The following KHSRP variants were observed in gnomAD, a reference collection of about 807,000 sequenced individuals.
KHSRP encodes the protein KH-type splicing regulatory protein.
Under a neutral mutation model 94.9 loss-of-function variants are expected in KHSRP, and 13 were observed. That is an observed-to-expected ratio of 0.14 (90% CI 0.09 to 0.22). The LOEUF (loss-of-function observed/expected upper bound fraction) is 0.22, where lower values mean the gene tolerates loss of function less well. Ranked by LOEUF, KHSRP falls within the 10% of genes least tolerant of loss-of-function variation. The pLI, the probability that KHSRP is intolerant of heterozygous loss-of-function variation, is 1.00. For missense variants in KHSRP, 710 were observed against 1,010.0 expected, an observed-to-expected ratio of 0.70 and a Z score of 4.03; for synonymous variants, 495 against 401.4, an observed-to-expected ratio of 1.23 and a Z score of -2.79.
chr19:6,419,277 G>C lies in KHSRP; in HGVS notation c.548-17C>G, dbSNP rs188930071. 5 of 1,546,164 alleles carry C rather than the reference G, an allele frequency of 3.2e-6. No homozygotes were observed. The highest frequency in any genetic ancestry group is 4.1e-5 in the Admixed American group (2 of 48,390). ...CACCGCTGTCTGAAAAGAGGAGATAGAGTCAGTGCCCTCCCTGGCCCACAG... is the reference window on the plus strand; with the variant it reads ...CACCGCTGTCTGAAAAGAGGAGATACAGTCAGTGCCCTCCCTGGCCCACAG... On this transcript the variant is annotated splice_polypyrimidine_tract_variant and intron_variant, in intron 6 of 18. Coordinates refer to ENST00000600480, the MANE Select transcript of KHSRP (RefSeq NM_001366299.1).
Position 6,414,195 on chromosome 19 carries a change from AG to A in KHSRP, c.*828del, listed in dbSNP as rs767992437. 2.0e-6 allele frequency: 3 copies of A among 1,474,912 alleles called. 1 individual carries two copies. The highest frequency in any genetic ancestry group is 2.7e-6 in the Non-Finnish European group (3 of 1,107,078). The allele number at this position is 1,474,912 out of a possible 1,614,324, so 91.4% of individuals were successfully genotyped here. ...GGGAGACTAGGGGGCGGAAGAGAGG[AG>A]GGGCTGGAACACCGTGGGGGGGGCC... On this transcript the variant is annotated 3_prime_UTR_variant, in exon 19 of 19. Coordinates refer to ENST00000600480, the MANE Select transcript of KHSRP (RefSeq NM_001366299.1).
At chr19:6,423,880 A>G (rs1599247147) in intron 1 of KHSRP, among the ~76,000 whole-genome samples, 1 of 152,056 alleles carries the variant, frequency 6.6e-6, no homozygotes, top group Non-Finnish European at 1.5e-5. Flanking sequence ...AAAGAGACAG[A>G]CCACGCTTTC....
At chr19:6,420,182 A>C in intron 5 of KHSRP, 38 bp from the exon 6 acceptor site, 1 of 1,568,540 alleles carries the variant, frequency 6.4e-7, no homozygotes, top group Non-Finnish European at 8.7e-7. Flanking sequence ...AAGCGTGATG[A>C]GGGAAGGGAG....
rs2145119091 is a variant in KHSRP at position 6,418,590 on chromosome 19, G to A, written c.781-9C>T. On this transcript the variant is annotated splice_polypyrimidine_tract_variant and intron_variant, in intron 8 of 18. Transcript: ENST00000600480. The surrounding 1 kb of genome is among the most constrained non-coding windows in gnomAD (Gnocchi z 4.3). ...TTCACTCCAGCGCGTTCCTTTACAAGCAAGGTTAACCGTTAGTGCTGGGCT... is the reference window on the plus strand; with the variant it reads ...TTCACTCCAGCGCGTTCCTTTACAAACAAGGTTAACCGTTAGTGCTGGGCT... 6.2e-7 allele frequency: 1 copy of A among 1,613,778 alleles called. No individual in the cohort carries two copies. The highest frequency in any genetic ancestry group is 1.6e-4 in the Middle Eastern group (1 of 6,062).
rs764086962 is a variant in KHSRP at position 6,416,916 on chromosome 19, C to T, written c.1183-34G>A. 6 of 1,612,654 alleles carry T rather than the reference C, an allele frequency of 3.7e-6. No individual in the cohort carries two copies. The Admixed American group carries it at 8.3e-5, about 22-fold the overall frequency. On this transcript the variant is annotated intron_variant, in intron 12 of 18. Transcript: ENST00000600480. ...CAAGAGGAGGAGGAGGATGATGAAC[C>T]CTGGAAGCCGGTCTGGTCTTGCACT... is the stretch of plus-strand genomic sequence containing the variant.
Position 6,414,159 on chromosome 19 carries a change from G to A in KHSRP, c.*865C>T, listed in dbSNP as rs769353158. On this transcript the variant is annotated 3_prime_UTR_variant, in exon 19 of 19. Transcript: ENST00000600480. The stretch of plus-strand genomic sequence containing the variant: ...AGAGATAGGAATTGGTCACTACGGG[G>A]AGGGAAGGGTGGGAGACTAGGGGGC... 4.8e-5 allele frequency: 70 copies of A among 1,468,314 alleles called. No individual in the cohort carries two copies. The highest frequency in any genetic ancestry group is 6.1e-5 in the Non-Finnish European group (64 of 1,056,074). 91.0% of individuals were successfully genotyped at this position (1,468,314 alleles called of 1,614,324 possible). A position where few individuals can be genotyped will look rare whatever the true frequency, so the allele number is the denominator to read the frequency against.
At chr19:6,417,617 C>G in intron 11 of KHSRP, 122 bp downstream of exon 11, 1 of 721,562 alleles carries the variant, frequency 1.4e-6, no homozygotes, top group Non-Finnish European at 2.4e-6. Context: ...GACGGCTGGA[C>G]TAAGAGCCGT....
At chr19:6,423,612 G>C (rs946703479) in intron 1 of KHSRP, among the ~76,000 whole-genome samples, 5 of 152,218 alleles carry the variant, frequency 3.3e-5, no homozygotes, top group Admixed American at 6.5e-5. Flanking sequence ...GGGTGAGAGA[G>C]ACGACAGAGG....
chr19:6,424,654 G>C lies in KHSRP; in HGVS notation c.48C>G (p.Pro16=), dbSNP rs1224794493. 2 of 1,018,832 alleles carry C rather than the reference G, an allele frequency of 2.0e-6. No individual in the cohort carries two copies. The highest frequency in any genetic ancestry group is 2.3e-6 in the Non-Finnish European group (2 of 853,156). The allele number at this position is 1,018,832 out of a possible 1,614,324, so 63.1% of individuals were successfully genotyped here. A position where few individuals can be genotyped will look rare whatever the true frequency, so the allele number is the denominator to read the frequency against. The change falls in exon 1 of 19, where the codon CCC becomes CCG. Residue 16 remains proline, a synonymous_variant. Coordinates refer to ENST00000600480, the MANE Select transcript of KHSRP (RefSeq NM_001366299.1). ...CTCCGGCTCCCCCGCCCCCGCCGGC[G>C]GGCGGCGGCGGCCCGGGCGGGGGTC... is the stretch of plus-strand genomic sequence containing the variant. The part of the protein sequence containing the change: ...TGGPPPGPPP[P]AGGGGGAGGA...
chr19:6,422,119 T>G (rs1023456627), intron 2 of KHSRP, among the ~76,000 whole-genome samples: 1 of 152,164 alleles, frequency 6.6e-6, no homozygotes, highest in Non-Finnish European at 1.5e-5. Context: ...TCTTGGGAAC[T>G]TACAACTTCG....
intron 1 of KHSRP, 68 bp from the exon 2 acceptor site, chr19:6,422,504 T>TTC: frequency 8.8e-7 from 1 of 1,142,268 alleles, no homozygotes; most frequent in Non-Finnish European, 1.3e-6. Flanking sequence ...CCAGGTCAAC[T>TTC]TCTCAGAACA....
At chr19:6,420,290 GA>G in intron 5 of KHSRP, 131 bp downstream of exon 5, 1 of 1,137,794 alleles carries the variant, frequency 8.8e-7, no homozygotes, top group Admixed American at 2.0e-5. Flanking sequence ...GCCCAGAGGG[GA>G]CGAAGGAGGG....
At chr19:6,421,447 CT>C in intron 3 of KHSRP, 130 bp from the exon 4 acceptor site, 5 of 1,034,650 alleles carry the variant, frequency 4.8e-6, no homozygotes, top group Non-Finnish European at 7.2e-6. Context: ...CTCATGGATG[CT>C]GTGGATTCCT....
chr19:6,415,338 G>T, intron 18 of KHSRP, 37 bp from the exon 19 acceptor site: 1 of 1,613,194 alleles, frequency 6.2e-7, no homozygotes, highest in Non-Finnish European at 8.5e-7. Context: ...GGCTGTGGGT[G>T]AGGGCTGCCC....
rs1419234695 is a variant in KHSRP, at chr19:6,415,208, G to C, written c.2060C>G (p.Ala687Gly). Reference sequence around the variant, plus strand: ...AGGACCTGGGGTCTGTCCGTAGTAAGCGGCCTGCTGTCTGTAATATTCCGC... The same window carrying C: ...AGGACCTGGGGTCTGTCCGTAGTAACCGGCCTGCTGTCTGTAATATTCCGC... ...AWAEYYRQQA[A>G]YYGQTPGPGG... Residue 687 changes from alanine to glycine, a missense_variant, in exon 19 of 19, where the codon GCT becomes GGT. By Grantham distance (60) the Ala-to-Gly change is moderately conservative. Transcript: ENST00000600480. The C allele has an allele frequency of 6.2e-7, 1 of 1,612,072 alleles. No individual in the cohort carries two copies. The highest frequency in any genetic ancestry group is 1.7e-5 in the Admixed American group (1 of 59,994).
At chr19:6,421,506 G>C in intron 3 of KHSRP, 144 bp downstream of exon 3, 1 of 1,065,958 alleles carries the variant, frequency 9.4e-7, no homozygotes, top group Non-Finnish European at 1.4e-6. Flanking sequence ...GGGTTCCTGG[G>C]ATCCCTCAAA....
At position 6,414,427 on chromosome 19, in the gene KHSRP, C is replaced by T. The variant is rs948601430; in HGVS notation, c.*597G>A. The T allele has an allele frequency of 5.6e-6, 7 of 1,261,168 alleles. No individual in the cohort carries two copies. Among genetic ancestry groups the T allele is most frequent in the African/African-American group, 1.5e-5 (1 of 65,876 alleles). The allele number at this position is 1,261,168 out of a possible 1,614,324, so 78.1% of individuals were successfully genotyped here. The stretch of plus-strand genomic sequence containing the variant: ...GCCCTGTCTCCGGAGGGCGGTGGCT[C>T]CCGGCGCAGCACGACGACATGAACA... On this transcript the variant is annotated 3_prime_UTR_variant, in exon 19 of 19. Transcript: ENST00000600480.
At position 6,413,377 on chromosome 19, in the gene KHSRP, TA is replaced by T; in HGVS notation, c.*1646del. On this transcript the variant is annotated 3_prime_UTR_variant, in exon 19 of 19. Coordinates refer to ENST00000600480, the MANE Select transcript of KHSRP (RefSeq NM_001366299.1). The stretch of plus-strand genomic sequence containing the variant: ...TTTTGTTATCATTTATTTGTGAAGT[TA>T]AAAACGAGCGATAAAAAGTAAAAAC... 1 of 411,446 alleles carries T rather than the reference TA, an allele frequency of 2.4e-6. No homozygotes were observed. 25.5% of individuals were successfully genotyped at this position (411,446 alleles called of 1,614,324 possible).
At chr19:6,424,406 CCT>C in intron 1 of KHSRP, 45 bp downstream of exon 1, 1 of 957,686 alleles carries the variant, frequency 1.0e-6, no homozygotes. Flanking sequence ...CCCTCCCCCG[CCT>C]GCGCGCGCGC....
Sources: gnomAD v4.1 joint callset for allele counts (sites outside exome capture counted in the v4.1 genomes callset) on GRCh38, gnomAD v4.1.1 for gene constraint, Gnocchi (gnomAD v3.1) non-coding constraint, MANE v1.5 for transcripts, NCBI Gene and HGNC (gene_info 2026-07-23, HGNC 2026-07-21) for gene names.